The following PDE7A variants were observed in gnomAD, a reference collection of about 807,000 sequenced individuals.
The protein encoded by PDE7A is high affinity 3',5'-cyclic-AMP phosphodiesterase 7A.
A neutral mutation model predicts 64.3 loss-of-function variants in PDE7A; 39 were observed. The observed-to-expected ratio is 0.61, with a 90% CI of 0.47 to 0.79. The LOEUF (loss-of-function observed/expected upper bound fraction) is 0.79. Ranked by LOEUF, PDE7A falls within the 30% of genes least tolerant of loss-of-function variation. The pLI is 0.00. For missense variants in PDE7A, 470 were observed against 582.8 expected, an observed-to-expected ratio of 0.81 and a Z score of 1.99; for synonymous variants, 203 against 206.8, an observed-to-expected ratio of 0.98 and a Z score of 0.16.
intron 1 of PDE7A, among the ~76,000 whole-genome samples, chr8:65,840,714 G>A (rs1013058147): frequency 6.6e-6 from 1 of 152,194 alleles, no homozygotes; most frequent in Non-Finnish European, 1.5e-5. Flanking sequence ...ACCACTCAAA[G>A]TCTTCCCATG....
intron 1 of PDE7A, among the ~76,000 whole-genome samples, chr8:65,789,508 G>A (rs558880528): frequency 6.6e-6 from 1 of 151,916 alleles, no homozygotes; most frequent in African/African-American, 2.4e-5. Context: ...ATGAATATTA[G>A]AGGCTGTCAT....
At chr8:65,811,843 A>T (rs1810265695) in intron 1 of PDE7A, among the ~76,000 whole-genome samples, 1 of 152,222 alleles carries the variant, frequency 6.6e-6, no homozygotes, top group South Asian at 2.1e-4. Flanking sequence ...CAAATACAAA[A>T]ATTAATTATT....
At position 65,714,794 on chromosome 8, in the gene PDE7A, A is replaced by G. The variant is rs2129061598; in HGVS notation, c.*4496T>C. 1 of 152,334 alleles carries G rather than the reference A, an allele frequency of 6.6e-6. No individual in the cohort carries two copies. Among genetic ancestry groups the G allele is most frequent in the South Asian group, 2.1e-4 (1 of 4,822 alleles). The allele number at this position is 152,334 out of a possible 1,614,324, so 9.4% of individuals were successfully genotyped here. The stretch of plus-strand genomic sequence containing the variant: ...AAAGTTTAATAAAAACCAAGAAAGC[A>G]TTTTGGAAAAAAAGATCATTTTCAG... On this transcript the variant is annotated 3_prime_UTR_variant, in exon 13 of 13. Coordinates refer to ENST00000401827, the MANE Select transcript of PDE7A (RefSeq NM_001242318.3).
intron 1 of PDE7A, among the ~76,000 whole-genome samples, chr8:65,832,772 C>T (rs942713210): frequency 1.3e-5 from 2 of 152,178 alleles, no homozygotes; most frequent in Admixed American, 6.5e-5. Context: ...CAGGCATGAA[C>T]CACCATGCCC....
At chr8:65,731,633 T>G (rs545278400) in intron 7 of PDE7A, 1 of 152,274 alleles carries the variant, frequency 6.6e-6, no homozygotes, top group African/African-American at 2.4e-5. Flanking sequence ...GAGTTCAGCC[T>G]TGAGGACATA....
intron 7 of PDE7A, among the ~76,000 whole-genome samples, chr8:65,734,225 C>T (rs1807028541): frequency 6.6e-6 from 1 of 152,176 alleles, no homozygotes; most frequent in Non-Finnish European, 1.5e-5. Flanking sequence ...ACTGCCCAAA[C>T]CAGTCTTCAC....
At position 65,841,385 on chromosome 8, in the gene PDE7A, G is replaced by A. The variant is rs778195300; in HGVS notation, c.124C>T (p.Arg42Trp). 6.4e-6 allele frequency: 10 copies of A among 1,558,986 alleles called. No homozygotes were observed. Among genetic ancestry groups the A allele is most frequent in the Non-Finnish European group, 8.6e-6 (10 of 1,157,412 alleles). ...GCGGCGATTACCTGAGAGAGCTGCCGGGGATTGGGGCAGCCGAAGAGAGCG... is the reference window on the plus strand; with the variant it reads ...GCGGCGATTACCTGAGAGAGCTGCCAGGGATTGGGGCAGCCGAAGAGAGCG... ...SSALFGCPNP[R>W]QLSQRRGAIS... is the part of the protein sequence containing the mutation. Residue 42 changes from arginine (R) to tryptophan (W), a missense_variant, in exon 1 of 13, where the codon CGG (arginine) becomes TGG (tryptophan). Physicochemically the swap from Arg to Trp is moderately radical, Grantham distance 101 (BLOSUM62 -3). Transcript: ENST00000401827.
chr8:65,759,321 GAAA>G (rs1449072822), intron 3 of PDE7A, among the ~76,000 whole-genome samples: 27 of 152,280 alleles, frequency 1.8e-4, no homozygotes, highest in African/African-American at 6.0e-4. Flanking sequence ...GCCACTGGGG[GAAA>G]CCCCTGAGGC....
intron 1 of PDE7A, among the ~76,000 whole-genome samples, chr8:65,832,329 T>C (rs1810847377): frequency 1.3e-5 from 2 of 152,086 alleles, no homozygotes; most frequent in South Asian, 4.1e-4. Context: ...ACTTCATCAT[T>C]TGTAAATTAT....
At chr8:65,732,687 A>AT (rs935721560) in intron 7 of PDE7A, among the ~76,000 whole-genome samples, 1 of 152,044 alleles carries the variant, frequency 6.6e-6, no homozygotes, top group Admixed American at 6.6e-5. Context: ...CTAACTTTTT[A>AT]TTTTTTGTAG....
At chr8:65,741,344 C>T (rs1005026160) in intron 5 of PDE7A, among the ~76,000 whole-genome samples, 1 of 152,074 alleles carries the variant, frequency 6.6e-6, no homozygotes, top group Non-Finnish European at 1.5e-5. Context: ...AAAAGACATA[C>T]TAGTCCCAAA....
intron 6 of PDE7A, 54 bp downstream of exon 6, chr8:65,739,448 A>C: frequency 2.0e-6 from 3 of 1,493,278 alleles, no homozygotes; most frequent in Non-Finnish European, 2.7e-6. Flanking sequence ...AAACTTAAAC[A>C]GGTTCTTGTA....
chr8:65,824,767 A>C (rs947603985), intron 1 of PDE7A, among the ~76,000 whole-genome samples: 2 of 152,210 alleles, frequency 1.3e-5, no homozygotes, highest in African/African-American at 4.8e-5. Context: ...ATTAGACATA[A>C]TGCTACTGTA....
intron 1 of PDE7A, 31 bp downstream of exon 1, chr8:65,841,340 C>T: frequency 1.3e-6 from 2 of 1,504,126 alleles, no homozygotes; most frequent in Non-Finnish European, 8.9e-7. Context: ...AGAGAGAAGC[C>T]CTCAAGTGTG....
chr8:65,793,783 C>A (rs1809763468), intron 1 of PDE7A, among the ~76,000 whole-genome samples: 1 of 151,198 alleles, frequency 6.6e-6, no homozygotes, highest in Non-Finnish European at 1.5e-5. Flanking sequence ...ATAAAATAAC[C>A]TAAGAAGAAG....
chr8:65,833,142 A>G (rs1810872439), intron 1 of PDE7A, among the ~76,000 whole-genome samples: 1 of 152,142 alleles, frequency 6.6e-6, no homozygotes, highest in Non-Finnish European at 1.5e-5. Context: ...TTTTATTCAC[A>G]TGGCAGTCCT....
chr8:65,791,840 T>C (rs950290400), intron 1 of PDE7A, among the ~76,000 whole-genome samples: 4 of 152,212 alleles, frequency 2.6e-5, no homozygotes, highest in Non-Finnish European at 5.9e-5. Flanking sequence ...CTTAAAGTAG[T>C]AATCTCAACT....
At chr8:65,789,629 A>G (rs1258439417) in intron 1 of PDE7A, among the ~76,000 whole-genome samples, 1 of 152,214 alleles carries the variant, frequency 6.6e-6, no homozygotes, top group Admixed American at 6.5e-5. Flanking sequence ...TCAAGCACTA[A>G]CTGCAATCTA....
chr8:65,739,357 C>G, intron 6 of PDE7A, 145 bp downstream of exon 6: 1 of 916,092 alleles, frequency 1.1e-6, no homozygotes, highest in Non-Finnish European at 1.5e-6. Context: ...GATGCAAGAG[C>G]TAAATAACTG....
Sources: gnomAD v4.1 joint callset for allele counts (sites outside exome capture counted in the v4.1 genomes callset) on GRCh38, gnomAD v4.1.1 for gene constraint, MANE v1.5 for transcripts, NCBI Gene and HGNC (gene_info 2026-07-23, HGNC 2026-07-21) for gene names.